Variants in C10orf71 observed in about 807,000 individuals in gnomAD.
The protein encoded by C10orf71 is cardiac-enriched FHL2-interacting protein.
For synonymous variants in C10orf71, 758 were observed against 726.3 expected (o/e 1.04, Z -0.70); for missense variants, 1,869 against 1,804.5 (o/e 1.04, Z -0.65).
Position 49,326,365 on chromosome 10 carries a change from C to G in C10orf71, c.3820C>G (p.Gln1274Glu). The G allele has an allele frequency of 4.5e-6, 7 of 1,550,538 alleles. No individual in the cohort carries two copies. The highest frequency in any genetic ancestry group is 6.1e-6 in the Non-Finnish European group (7 of 1,146,896). Reference protein sequence around the residue: ...LTPLPAYPATQKVLQDPQSGE... With the variant: ...LTPLPAYPATEKVLQDPQSGE... ...ACCCCTGCCCGCGTACCCCGCCACCCAGAAGGTCCTCCAGGATCCGCAGTC... is the reference window on the plus strand; with the variant it reads ...ACCCCTGCCCGCGTACCCCGCCACCGAGAAGGTCCTCCAGGATCCGCAGTC... Residue 1274 changes from glutamine (Q) to glutamate (E), a missense_variant, in exon 3 of 3, where the codon CAG (glutamine) becomes GAG (glutamate). Physicochemically the swap from Gln to Glu is conservative, Grantham distance 29. Coordinates refer to ENST00000374144, the MANE Select transcript of C10orf71 (RefSeq NM_001135196.2).
intron 1 of C10orf71, among the ~76,000 whole-genome samples, chr10:49,302,753 A>T (rs981020692): frequency 6.6e-6 from 1 of 152,198 alleles, no homozygotes; most frequent in Non-Finnish European, 1.5e-5. Context: ...AAAGCTGAGT[A>T]TGCCTAGAGA....
In C10orf71 at chr10:49,314,382, C is replaced by CGGG. The variant is rs1241762849; in HGVS notation, c.-247-1763_-247-1762insGGG. 1.2e-3 allele frequency among the ~76,000 whole-genome samples: 181 copies of CGGG among 152,330 alleles called. 2 individuals are homozygous for CGGG. The highest frequency in any genetic ancestry group is 0.011 in the Admixed American group (165 of 15,306). Reference sequence around the variant, plus strand: ...GGCCCTGCCATGTGCACTGTATCCTCCTTCATGCTGCCTGAAGGGAACACA... The same window carrying CGGG: ...GGCCCTGCCATGTGCACTGTATCCTCGGGCTTCATGCTGCCTGAAGGGAACACA... On this transcript the variant is annotated intron_variant, in intron 1 of 2. Coordinates refer to ENST00000374144, the MANE Select transcript of C10orf71 (RefSeq NM_001135196.2).
At chr10:49,319,456 A>T (rs1849053802) in intron 2 of C10orf71, among the ~76,000 whole-genome samples, 2 of 152,300 alleles carry the variant, frequency 1.3e-5, no homozygotes, top group African/African-American at 4.8e-5. Context: ...AAAACAGTCT[A>T]GAAGTTCCTT....
At chr10:49,301,464 G>A (rs1220027765) in intron 1 of C10orf71, among the ~76,000 whole-genome samples, 9 of 152,168 alleles carry the variant, frequency 5.9e-5, no homozygotes, top group Non-Finnish European at 1.3e-4. Context: ...AGAGCGGGAA[G>A]GACAAGGGAT....
In C10orf71 at chr10:49,324,165, C is replaced by A; in HGVS notation, c.1620C>A (p.Asn540Lys). ...KVDGKQEPVSNGVILPNGLEE... is the reference protein window; with the variant it reads ...KVDGKQEPVSKGVILPNGLEE... The stretch of plus-strand genomic sequence containing the variant: ...ATGGAAAGCAAGAACCTGTGAGCAA[C>A]GGTGTCATCCTCCCCAATGGGCTTG... Residue 540 changes from asparagine to lysine, a missense_variant, in exon 3 of 3, where the codon AAC (asparagine) becomes AAA (lysine). Transcript: ENST00000374144. 1.2e-6 allele frequency: 2 copies of A among 1,613,984 alleles called. No individual in the cohort carries two copies. The highest frequency in any genetic ancestry group is 2.7e-5 in the African/African-American group (2 of 75,034).
Position 49,322,383 on chromosome 10 carries a change from G to A in C10orf71, c.-144-19G>A. ...GAGCTGTATACTTTGTTCACGCCCT[G>A]CACCTTTTTCTTTTGCAGAGAAAAA... On this transcript the variant is annotated intron_variant, in intron 2 of 2. Transcript: ENST00000374144. 1 of 759,288 alleles carries A rather than the reference G, an allele frequency of 1.3e-6. No individual in the cohort carries two copies. The allele number at this position is 759,288 out of a possible 1,614,324, so 47.0% of individuals were successfully genotyped here. A position where few individuals can be genotyped will look rare whatever the true frequency, so the allele number is the denominator to read the frequency against.
intron 1 of C10orf71, among the ~76,000 whole-genome samples, chr10:49,302,338 G>C (rs1848742769): frequency 6.6e-6 from 1 of 152,218 alleles, no homozygotes; most frequent in Non-Finnish European, 1.5e-5. Context: ...GGCTGTGTCT[G>C]CCACCCTCAG....
rs1213223221 is a variant in C10orf71, at chr10:49,326,108, C to T, written c.3563C>T (p.Ala1188Val). The change falls in exon 3 of 3, where the codon GCA becomes GTA. Residue 1188 changes from alanine (A) to valine (V), a missense_variant. By Grantham distance (64) the Ala-to-Val change is moderately conservative. Coordinates refer to ENST00000374144, the MANE Select transcript of C10orf71 (RefSeq NM_001135196.2). ...EKALRRAKKL[A>V]SKRRKTDQAQ... ...GCCCTGCGGCGGGCAAAGAAGCTGG[C>T]AAGTAAGAGGAGGAAGACGGATCAG... The T allele has an allele frequency of 1.3e-6, 2 of 1,551,562 alleles. No homozygotes were observed. The highest frequency in any genetic ancestry group is 1.4e-5 in the African/African-American group (1 of 73,038).
At position 49,324,185 on chromosome 10, in the gene C10orf71, G is replaced by A. The variant is rs1564691185; in HGVS notation, c.1640G>A (p.Gly547Glu). The change falls in exon 3 of 3, where the codon GGG becomes GAG. Residue 547 changes from glycine (G) to glutamate (E), a missense_variant. Coordinates refer to ENST00000374144, the MANE Select transcript of C10orf71 (RefSeq NM_001135196.2). Reference protein sequence around the residue: ...PVSNGVILPNGLEESPPNELS... With the variant: ...PVSNGVILPNELEESPPNELS... Reference sequence around the variant, plus strand: ...AGCAACGGTGTCATCCTCCCCAATGGGCTTGAGGAAAGCCCTCCAAATGAG... The same window carrying A: ...AGCAACGGTGTCATCCTCCCCAATGAGCTTGAGGAAAGCCCTCCAAATGAG... 5.0e-6 allele frequency: 8 copies of A among 1,613,892 alleles called. No individual in the cohort carries two copies. The highest frequency in any genetic ancestry group is 5.1e-6 in the Non-Finnish European group (6 of 1,179,884).
At chr10:49,297,195 A>T (rs1177553841), upstream of C10orf71, among the ~76,000 whole-genome samples, 7 of 152,322 alleles carry the variant, frequency 4.6e-5, no homozygotes, top group South Asian at 4.1e-4. Context: ...GAGGAAAGCA[A>T]ATTAGGAAGA....
At chr10:49,316,813 CCCTCGGGAG>C (rs1206073741) in intron 2 of C10orf71, among the ~76,000 whole-genome samples, 1 of 152,156 alleles carries the variant, frequency 6.6e-6, no homozygotes, top group African/African-American at 2.4e-5. Context: ...CTGCTCTTGG[CCCTCGGGAG>C]CCTCTGCAGG....
chr10:49,323,640 T>C lies in C10orf71; in HGVS notation c.1095T>C (p.Ala365=), dbSNP rs763303352. The part of the protein sequence containing the change: ...GAQVFAVEGK[A]PSSQPDSQEK... ...AGGTATTTGCTGTGGAAGGAAAAGC[T>C]CCCAGCTCACAACCTGATTCTCAAG... Residue 365 remains alanine (A), a synonymous_variant, in exon 3 of 3, where the codon GCT becomes GCC. Coordinates refer to ENST00000374144, the MANE Select transcript of C10orf71 (RefSeq NM_001135196.2). 2.5e-6 allele frequency: 4 copies of C among 1,606,634 alleles called. No individual in the cohort carries two copies. The highest frequency in any genetic ancestry group is 3.4e-6 in the Non-Finnish European group (4 of 1,177,890).
At chr10:49,297,669 A>G (rs11101080), upstream of C10orf71, among the ~76,000 whole-genome samples, 5,401 of 152,348 alleles carry the variant, frequency 0.035, 188 homozygotes, top group Non-Finnish European at 0.046. Context: ...GAGATGGGTA[A>G]ACTGAGGCTC....
intron 1 of C10orf71, among the ~76,000 whole-genome samples, chr10:49,314,640 C>G (rs1848969721): frequency 6.6e-6 from 1 of 152,174 alleles, no homozygotes; most frequent in Non-Finnish European, 1.5e-5. Context: ...CGTTCTGCAC[C>G]TCCGTCTCAT....
Position 49,323,073 on chromosome 10 carries a change from C to T in C10orf71, c.528C>T (p.Phe176=), listed in dbSNP as rs768871388. Reference sequence around the variant, plus strand: ...CGGCTCTGAAAAATCCTCCCAAATTCGCTCCTCTTCCAGAAAACAGTGTCA... The same window carrying T: ...CGGCTCTGAAAAATCCTCCCAAATTTGCTCCTCTTCCAGAAAACAGTGTCA... ...KPPALKNPPK[F]APLPENSVNF... is the part of the protein sequence containing the mutation. Residue 176 remains phenylalanine (F), a synonymous_variant, in exon 3 of 3, where the codon TTC becomes TTT. Coordinates refer to ENST00000374144, the MANE Select transcript of C10orf71 (RefSeq NM_001135196.2). The T allele has an allele frequency of 7.4e-6, 12 of 1,613,912 alleles. No individual in the cohort carries two copies. Among genetic ancestry groups the T allele is most frequent in the South Asian group, 1.1e-5 (1 of 91,086 alleles).
chr10:49,308,268 T>C lies in C10orf71; in HGVS notation c.-247-7877T>C, dbSNP rs553096693. 3.9e-5 allele frequency among the ~76,000 whole-genome samples: 6 copies of C among 152,330 alleles called. No individual in the cohort carries two copies. The East Asian group carries it at 1.2e-3, about 29-fold the overall frequency. On this transcript the variant is annotated intron_variant, in intron 1 of 2. Coordinates refer to ENST00000374144, the MANE Select transcript of C10orf71 (RefSeq NM_001135196.2). ...GAGGCTCCTGCACATGTAATGTGGT[T>C]GTAGAAGATTCAGACTCCCACCAGG...
chr10:49,318,353 TC>T (rs1849034688), intron 2 of C10orf71, among the ~76,000 whole-genome samples: 1 of 152,206 alleles, frequency 6.6e-6, no homozygotes. Flanking sequence ...CCTCAGGGTC[TC>T]CCCAACCCAT....
At chr10:49,298,677 AG>A (rs1848674808), upstream of C10orf71, 1 of 152,244 alleles carries the variant, frequency 6.6e-6, no homozygotes, top group African/African-American at 2.4e-5. Context: ...AAGCTTACCA[AG>A]TGGACACTTA....
chr10:49,307,373 G>A (rs756011345), intron 1 of C10orf71, among the ~76,000 whole-genome samples: 2 of 152,356 alleles, frequency 1.3e-5, no homozygotes, highest in South Asian at 4.1e-4. Context: ...CCAGGCCTGA[G>A]CTCCTTCCTA....
Sources: gnomAD v4.1 joint callset for allele counts (sites outside exome capture counted in the v4.1 genomes callset) on GRCh38, gnomAD v4.1.1 for gene constraint, MANE v1.5 for transcripts, NCBI Gene and HGNC (gene_info 2026-07-23, HGNC 2026-07-21) for gene names.